HPS3: variants seen among roughly 807,000 people sequenced by gnomAD.
HPS3 encodes BLOC-2 complex member HPS3.
HPS3 carries 79 observed loss-of-function variants against 110.9 expected under a neutral mutation model. The ratio of observed to expected loss-of-function variants is 0.71; its 90% CI spans 0.59 to 0.86. The LOEUF (loss-of-function observed/expected upper bound fraction) is 0.86. Ranked by LOEUF, HPS3 falls within the 40% of genes least tolerant of loss-of-function variation. The pLI is 0.00. For synonymous variants in HPS3, 428 were observed against 451.0 expected (o/e 0.95, Z 0.65); for missense variants, 1,197 against 1,206.2 (o/e 0.99, Z 0.11).
chr3:149,171,672 T>C (rs1406174217), intron 16 of HPS3, among the ~76,000 whole-genome samples: 3 of 150,540 alleles, frequency 2.0e-5, no homozygotes, highest in African/African-American at 4.9e-5. Context: ...TTTGAAGTTA[T>C]AACATTTTGT....
Position 149,131,302 on chromosome 3 carries a change from T to C in HPS3, c.217+1362T>C, listed in dbSNP as rs142332893. On this transcript the variant is annotated intron_variant, in intron 1 of 16. Transcript: ENST00000296051. ...TTTTTGCATTTCACTTTGTTGTACT[T>C]TGCCGATACTGCGTGTTTTTTTCTC... Among the ~76,000 whole-genome samples the C allele has an allele frequency of 4.2e-3, 636 of 152,294 alleles. 7 individuals carry two copies. The highest frequency in any genetic ancestry group is 0.015 in the African/African-American group (610 of 41,536).
intron 5 of HPS3, among the ~76,000 whole-genome samples, chr3:149,149,394 T>A (rs1722973377): frequency 6.6e-6 from 1 of 152,158 alleles, no homozygotes; most frequent in Admixed American, 6.5e-5. Context: ...TTCCCAAGGT[T>A]GCTAACTCTA....
chr3:149,138,590 G>T (rs547986594), intron 1 of HPS3, among the ~76,000 whole-genome samples: 1 of 152,242 alleles, frequency 6.6e-6, no homozygotes, highest in Non-Finnish European at 1.5e-5. Flanking sequence ...AATAAAAAGG[G>T]TATGGTAAAA....
At chr3:149,169,027 T>C (rs1193030261) in intron 16 of HPS3, among the ~76,000 whole-genome samples, 1 of 148,822 alleles carries the variant, frequency 6.7e-6, no homozygotes, top group African/African-American at 2.6e-5. Flanking sequence ...CAAAATATAT[T>C]TGTGTGCATA....
intron 16 of HPS3, 120 bp from the exon 17 acceptor site, chr3:149,171,975 G>A: frequency 2.3e-6 from 2 of 887,206 alleles, no homozygotes; most frequent in Non-Finnish European, 3.6e-6. Context: ...AAAGTGCTGG[G>A]ATTACAGGCG....
At chr3:149,152,402 G>T (rs1194237884) in intron 6 of HPS3, among the ~76,000 whole-genome samples, 1 of 152,118 alleles carries the variant, frequency 6.6e-6, no homozygotes, top group Non-Finnish European at 1.5e-5. Flanking sequence ...CAGAATGAAG[G>T]AACAAGGAAG....
rs1250672717 is a variant in HPS3, at chr3:149,162,836, G to T, written c.2439G>T (p.Arg813Ser). ...AGTACATCTGGAGATTGTCTAAGAG[G>T]CAGCCTCCTGACACCACACCATTGC... ...TSQYIWRLSK[R>S]QPPDTTPLRT... is the part of the protein sequence containing the mutation. The change falls in exon 13 of 17, where the codon AGG (arginine) becomes AGT (serine). Residue 813 changes from arginine to serine, a missense_variant. Coordinates refer to ENST00000296051, the MANE Select transcript of HPS3 (RefSeq NM_032383.5). 2.5e-6 allele frequency: 4 copies of T among 1,613,866 alleles called. No individual in the cohort carries two copies. The highest frequency in any genetic ancestry group is 2.2e-5 in the East Asian group (1 of 44,888).
chr3:149,156,573 G>C (rs1411653275), intron 8 of HPS3, among the ~76,000 whole-genome samples: 1 of 144,836 alleles, frequency 6.9e-6, no homozygotes, highest in Non-Finnish European at 1.5e-5. Context: ...TTTAGGGTTT[G>C]CTTTTTTTTT....
At chr3:149,150,723 A>G (rs769312591) in intron 6 of HPS3, 43 bp downstream of exon 6, 30 of 1,442,330 alleles carry the variant, frequency 2.1e-5, no homozygotes, top group Admixed American at 2.0e-4. Context: ...TAAGATCACA[A>G]GGGAGCACAT....
chr3:149,147,440 A>T (rs1722843490), intron 5 of HPS3, among the ~76,000 whole-genome samples: 1 of 152,204 alleles, frequency 6.6e-6, no homozygotes, highest in South Asian at 2.1e-4. Context: ...AAAGACAAAG[A>T]TTTTTAAGGA....
Position 149,135,273 on chromosome 3 carries a change from A to G in HPS3, c.218-4731A>G, listed in dbSNP as rs139639583. Among the ~76,000 whole-genome samples the G allele has an allele frequency of 2.6e-4, 39 of 152,262 alleles. 1 individual carries two copies. In the East Asian group the frequency reaches 6.8e-3, roughly 26 times the overall value. On this transcript the variant is annotated intron_variant, in intron 1 of 16. Coordinates refer to ENST00000296051, the MANE Select transcript of HPS3 (RefSeq NM_032383.5). ...CTGACATCGTCATCAGTAAGGGAAAATAAATTTAGGCTTTGTGTGTGATAC... is the reference window on the plus strand; with the variant it reads ...CTGACATCGTCATCAGTAAGGGAAAGTAAATTTAGGCTTTGTGTGTGATAC...
In HPS3 at chr3:149,162,897, A is replaced by T; in HGVS notation, c.2481+19A>T. On this transcript the variant is annotated intron_variant, in intron 13 of 16. Coordinates refer to ENST00000296051, the MANE Select transcript of HPS3 (RefSeq NM_032383.5). ...GGATCTGGTAAGATAATGGAATAAT[A>T]CCTTAAATTTAACTCATGCATTGCC... The T allele has an allele frequency of 6.3e-7, 1 of 1,598,464 alleles. No homozygotes were observed. Among genetic ancestry groups the T allele is most frequent in the East Asian group, 2.2e-5 (1 of 44,774 alleles).
chr3:149,153,709 A>G, intron 7 of HPS3, 61 bp downstream of exon 7: 2 of 1,514,442 alleles, frequency 1.3e-6, no homozygotes, highest in Non-Finnish European at 9.2e-7. Flanking sequence ...TAACTGGTAT[A>G]TTTTGTGTTT....
Position 149,160,124 on chromosome 3 carries a change from A to G in HPS3, c.1951A>G (p.Met651Val), listed in dbSNP as rs753269782. The change falls in exon 11 of 17, where the codon ATG becomes GTG. Residue 651 changes from methionine (M) to valine (V), a missense_variant. Transcript: ENST00000296051. ...QVPHILCSPS[M>V]KNINPLTAMS... ...GCCCCATATTCTCTGTAGTCCTTCT[A>G]TGAAGAATATTAATCCTTTAACTGC... 11 of 1,613,824 alleles carry G rather than the reference A, an allele frequency of 6.8e-6. No individual in the cohort carries two copies. The highest frequency in any genetic ancestry group is 2.7e-5 in the African/African-American group (2 of 74,908).
intron 1 of HPS3, among the ~76,000 whole-genome samples, chr3:149,131,634 C>G (rs1721787041): frequency 6.6e-6 from 1 of 152,124 alleles, no homozygotes; most frequent in Admixed American, 6.5e-5. Context: ...CCCTGAGACA[C>G]AACAATATTG....
At chr3:149,138,514 G>T (rs1722255693) in intron 1 of HPS3, among the ~76,000 whole-genome samples, 1 of 152,172 alleles carries the variant, frequency 6.6e-6, no homozygotes, top group Non-Finnish European at 1.5e-5. Flanking sequence ...GCATATTTAT[G>T]TAATTTGGAG....
intron 1 of HPS3, among the ~76,000 whole-genome samples, chr3:149,137,265 C>T (rs1443299769): frequency 6.6e-6 from 1 of 152,106 alleles, no homozygotes; most frequent in Non-Finnish European, 1.5e-5. Flanking sequence ...AAATCCAAAC[C>T]ACAGTGAGAT....
At chr3:149,152,667 G>C (rs1033938424) in intron 6 of HPS3, among the ~76,000 whole-genome samples, 1 of 152,176 alleles carries the variant, frequency 6.6e-6, no homozygotes, top group African/African-American at 2.4e-5. Context: ...CTTGTGGTCT[G>C]TCTCCTTTTC....
Position 149,162,777 on chromosome 3 carries a change from G to A in HPS3, c.2380G>A (p.Val794Ile), listed in dbSNP as rs1400736402. Reference protein sequence around the residue: ...AQLVACLPDVVLQELFFKLTS... With the variant: ...AQLVACLPDVILQELFFKLTS... ...GCTAGTGGCATGTCTCCCAGATGTGGTACTTCAGGAACTCTTTTTCAAACT... is the reference window on the plus strand; with the variant it reads ...GCTAGTGGCATGTCTCCCAGATGTGATACTTCAGGAACTCTTTTTCAAACT... The change falls in exon 13 of 17, where the codon GTA becomes ATA. Residue 794 changes from valine to isoleucine, a missense_variant. By Grantham distance (29) the Val-to-Ile change is conservative. Transcript: ENST00000296051. 3.7e-6 allele frequency: 6 copies of A among 1,613,866 alleles called. No homozygotes were observed. Among genetic ancestry groups the A allele is most frequent in the Non-Finnish European group, 5.1e-6 (6 of 1,179,814 alleles).
Sources: gnomAD v4.1 joint callset for allele counts (sites outside exome capture counted in the v4.1 genomes callset) on GRCh38, gnomAD v4.1.1 for gene constraint, MANE v1.5 for transcripts, NCBI Gene and HGNC (gene_info 2026-07-23, HGNC 2026-07-21) for gene names.